Variants in AKAP12 observed in about 807,000 individuals in gnomAD.
The protein encoded by AKAP12 is A-kinase anchoring protein 12, also known as A-kinase anchor protein 12.
Under a neutral mutation model 79.9 loss-of-function variants are expected in AKAP12, and 32 were observed. That is an observed-to-expected ratio of 0.40 (90% CI 0.30 to 0.54). The LOEUF is 0.54. Ranked by LOEUF, AKAP12 falls within the 20% of genes least tolerant of loss-of-function variation. The pLI is 0.48. For missense variants in AKAP12, 2,074 were observed against 2,177.0 expected (o/e 0.95, Z 0.94); for synonymous variants, 808 against 857.0 (o/e 0.94, Z 1.00).
intron 3 of AKAP12, among the ~76,000 whole-genome samples, chr6:151,322,059 G>A (rs1777408829): frequency 6.6e-6 from 1 of 151,784 alleles, no homozygotes; most frequent in African/African-American, 2.4e-5. Flanking sequence ...ACAGGCGCCC[G>A]CCACCACGCC....
intron 2 of AKAP12, among the ~76,000 whole-genome samples, chr6:151,286,913 C>T (rs1776515421): frequency 6.6e-6 from 1 of 151,770 alleles, no homozygotes; most frequent in Non-Finnish European, 1.5e-5. Flanking sequence ...GGGGTGGCAG[C>T]GATGGGGTAA....
chr6:151,240,313 G>A, intron 1 of AKAP12, 71 bp from the exon 2 acceptor site: 1 of 373,090 alleles, frequency 2.7e-6, no homozygotes, highest in Non-Finnish European at 4.8e-6. Flanking sequence ...GTGATGAAGC[G>A]AGGGAAAAAC....
chr6:151,321,919 T>TGTTTTTG (rs1562738086), intron 3 of AKAP12, among the ~76,000 whole-genome samples: 1,946 of 146,772 alleles, frequency 0.013, 72 homozygotes, highest in African/African-American at 0.049. Context: ...TTTTTTTTTT[T>TGTTTTTG]TTTTTTTTTG....
intron 2 of AKAP12, among the ~76,000 whole-genome samples, chr6:151,258,267 T>C (rs1035540903): frequency 6.6e-6 from 1 of 152,240 alleles, no homozygotes; most frequent in African/African-American, 2.4e-5. Context: ...AAATTCTTCC[T>C]CTGGCAAATA....
In AKAP12 at chr6:151,352,454, G is replaced by A. The variant is rs12201388; in HGVS notation, c.4063G>A (p.Glu1355Lys). 0.092 allele frequency: 148,050 copies of A among 1,614,072 alleles called. 7,751 individuals are homozygous for A. Among genetic ancestry groups the A allele is most frequent in the Middle Eastern group, 0.21 (1,263 of 6,062 alleles). Residue 1355 changes from glutamate to lysine, a missense_variant, in exon 4 of 5, where the codon GAA (glutamate) becomes AAA (lysine). Physicochemically the swap from Glu to Lys is moderately conservative, Grantham distance 56. Transcript: ENST00000402676. ...KTEAEPTHVNEEKLEHETAVT... is the reference protein window; with the variant it reads ...KTEAEPTHVNKEKLEHETAVT... ...AGAAGCAGAGCCAACCCATGTGAATGAAGAGAAGCTTGAGCACGAAACAGC... is the reference window on the plus strand; with the variant it reads ...AGAAGCAGAGCCAACCCATGTGAATAAAGAGAAGCTTGAGCACGAAACAGC...
At chr6:151,337,108 A>T (rs1777834002) in intron 3 of AKAP12, among the ~76,000 whole-genome samples, 1 of 152,206 alleles carries the variant, frequency 6.6e-6, no homozygotes, top group South Asian at 2.1e-4. Flanking sequence ...AGCCTCCTCT[A>T]AAATCAGGTT....
intron 3 of AKAP12, among the ~76,000 whole-genome samples, chr6:151,333,016 A>T (rs1291248859): frequency 1.3e-5 from 2 of 152,178 alleles, no homozygotes; most frequent in Non-Finnish European, 2.9e-5. Context: ...AAATCAGAGG[A>T]GGTTTTAGGG....
chr6:151,325,802 T>C, intron 3 of AKAP12: 1 of 1,613,600 alleles, frequency 6.2e-7, no homozygotes, highest in Admixed American at 1.7e-5. Flanking sequence ...ACTAGGCGTC[T>C]GCCGGGGAGG....
chr6:151,268,341 C>T (rs940323137), intron 2 of AKAP12, among the ~76,000 whole-genome samples: 2 of 152,062 alleles, frequency 1.3e-5, no homozygotes, highest in Admixed American at 6.5e-5. Context: ...TGCTTGAACC[C>T]GGGAGGCAGA....
chr6:151,240,217 G>A (rs2114668371), intron 1 of AKAP12, among the ~76,000 whole-genome samples, 158 bp downstream of exon 1: 1 of 151,994 alleles, frequency 6.6e-6, no homozygotes, highest in South Asian at 2.1e-4. Flanking sequence ...CGGCTGCCTG[G>A]ACCTGGGCTG....
chr6:151,350,724 A>G lies in AKAP12; in HGVS notation c.2333A>G (p.Glu778Gly). 1.2e-6 allele frequency: 2 copies of G among 1,614,028 alleles called. No homozygotes were observed. Among genetic ancestry groups the G allele is most frequent in the Non-Finnish European group, 1.7e-6 (2 of 1,180,000 alleles). The change falls in exon 4 of 5, where the codon GAG becomes GGG. Residue 778 changes from glutamate to glycine, a missense_variant. By Grantham distance (98) the Glu-to-Gly change is moderately conservative. Coordinates refer to ENST00000402676, the MANE Select transcript of AKAP12 (RefSeq NM_005100.4). The surrounding 1 kb of genome is among the most constrained non-coding windows in gnomAD (Gnocchi z 4.8). The part of the protein sequence containing the change: ...PRKKSKSKLE[E>G]KSEDSIAGSG... The stretch of plus-strand genomic sequence containing the variant: ...AAAAAATCAAAGTCCAAGCTGGAAG[A>G]GAAAAGCGAAGACTCCATAGCTGGG...
At chr6:151,332,040 T>TG (rs879372000) in intron 3 of AKAP12, among the ~76,000 whole-genome samples, 175 of 139,460 alleles carry the variant, frequency 1.3e-3, no homozygotes, top group African/African-American at 4.3e-3. Flanking sequence ...TCTGTTTTTT[T>TG]TTTTTTTTTT....
intron 2 of AKAP12, among the ~76,000 whole-genome samples, chr6:151,276,462 A>C (rs1280549414): frequency 1.3e-5 from 2 of 152,234 alleles, no homozygotes; most frequent in Non-Finnish European, 1.5e-5. Flanking sequence ...ACCCATCAAA[A>C]CATGTCTGTA....
intron 3 of AKAP12, among the ~76,000 whole-genome samples, chr6:151,309,778 T>G (rs1026939697): frequency 4.6e-5 from 7 of 152,124 alleles, no homozygotes; most frequent in African/African-American, 1.2e-4. Context: ...CACAACTAAT[T>G]ACCTTAGCCT....
intron 2 of AKAP12, among the ~76,000 whole-genome samples, chr6:151,296,372 TC>T (rs1245520066): frequency 6.6e-6 from 1 of 152,222 alleles, no homozygotes; most frequent in African/African-American, 2.4e-5. Context: ...TTAAAAGGCC[TC>T]CTCATATTTT....
At chr6:151,270,930 G>A (rs1478745420) in intron 2 of AKAP12, among the ~76,000 whole-genome samples, 3 of 152,132 alleles carry the variant, frequency 2.0e-5, no homozygotes, top group East Asian at 1.9e-4. Context: ...CGTAGCAATC[G>A]AAGCAGACTT....
chr6:151,261,295 C>G (rs186165199), intron 2 of AKAP12, among the ~76,000 whole-genome samples: 1 of 150,912 alleles, frequency 6.6e-6, no homozygotes, highest in East Asian at 2.0e-4. Context: ...TCGTTTGAAC[C>G]GGGAGGCAGA....
intron 2 of AKAP12, among the ~76,000 whole-genome samples, chr6:151,293,766 C>G (rs1776666071): frequency 6.6e-6 from 1 of 152,182 alleles, no homozygotes; most frequent in Non-Finnish European, 1.5e-5. Flanking sequence ...GTTCCCTGTC[C>G]TTAACACAAG....
intron 3 of AKAP12, among the ~76,000 whole-genome samples, chr6:151,328,742 T>C (rs557387631): frequency 2.9e-4 from 44 of 152,312 alleles, no homozygotes; most frequent in African/African-American, 9.6e-4. Context: ...TTATTGTAGT[T>C]ATCTTTAGTA....
Sources: gnomAD v4.1 joint callset for allele counts (sites outside exome capture counted in the v4.1 genomes callset) on GRCh38, gnomAD v4.1.1 for gene constraint, Gnocchi (gnomAD v3.1) non-coding constraint, MANE v1.5 for transcripts, NCBI Gene and HGNC (gene_info 2026-07-23, HGNC 2026-07-21) for gene names.